The following PRLR variants were observed in gnomAD, a reference collection of about 807,000 sequenced individuals.
The protein encoded by PRLR is prolactin receptor, also known as hPRL receptor.
PRLR carries 13 observed loss-of-function variants against 40.2 expected under a neutral mutation model. The ratio of observed to expected loss-of-function variants is 0.32; its 90% CI spans 0.21 to 0.51. PRLR has a LOEUF of 0.51. PRLR is among the 20% of genes least tolerant of loss of function. PRLR has a pLI of 0.97. For missense variants in PRLR, 656 were observed against 747.3 expected, an observed-to-expected ratio of 0.88 and a Z score of 1.42; for synonymous variants, 269 against 278.7, an observed-to-expected ratio of 0.97 and a Z score of 0.35.
At chr5:35,225,291 G>A (rs1365443758) in intron 1 of PRLR, among the ~76,000 whole-genome samples, 1 of 152,210 alleles carries the variant, frequency 6.6e-6, no homozygotes, top group Admixed American at 6.5e-5. Flanking sequence ...AGATCCCAAA[G>A]TGACATGGTA....
Position 35,189,033 on chromosome 5 carries a change from C to T in PRLR, c.-106+41235G>A, listed in dbSNP as rs144033477. Among the ~76,000 whole-genome samples, 9 of 152,030 alleles carry T rather than the reference C, an allele frequency of 5.9e-5. No homozygotes were observed. The East Asian group carries it at 1.5e-3, about 26-fold the overall frequency. On this transcript the variant is annotated intron_variant, in intron 1 of 9. Coordinates refer to ENST00000618457, the MANE Select transcript of PRLR (RefSeq NM_000949.7). ...GTTGAGATGAGATTATGAGGGTGAG[C>T]CCTATTTCAATATGATTGGTGCTCT...
At chr5:35,176,550 T>C (rs1293160649) in intron 1 of PRLR, among the ~76,000 whole-genome samples, 1 of 152,250 alleles carries the variant, frequency 6.6e-6, no homozygotes, top group Non-Finnish European at 1.5e-5. Context: ...ATGTGCTGTG[T>C]CAAACTCAGA....
intron 1 of PRLR, among the ~76,000 whole-genome samples, chr5:35,199,013 C>T (rs1775808812): frequency 6.6e-6 from 1 of 152,194 alleles, no homozygotes; most frequent in South Asian, 2.1e-4. Flanking sequence ...ATTTCTGGCT[C>T]TCCGGATCCG....
rs1204875611 is a variant in PRLR at position 35,061,649 on chromosome 5, A to G, written c.*3440T>C. On this transcript the variant is annotated 3_prime_UTR_variant, in exon 10 of 10. Transcript: ENST00000618457. The stretch of plus-strand genomic sequence containing the variant: ...GCTGATATAACTTGTGCTTATACAC[A>G]TCTGTTAGAATGAATTGGAACATCT... 1 of 152,254 alleles carries G rather than the reference A, an allele frequency of 6.6e-6. No homozygotes were observed. The highest frequency in any genetic ancestry group is 1.5e-5 in the Non-Finnish European group (1 of 68,046). The allele number at this position is 152,254 out of a possible 1,614,324, so 9.4% of individuals were successfully genotyped here. A position where few individuals can be genotyped will look rare whatever the true frequency, so the allele number is the denominator to read the frequency against.
At chr5:35,225,421 C>A (rs746580531) in intron 1 of PRLR, among the ~76,000 whole-genome samples, 5 of 152,132 alleles carry the variant, frequency 3.3e-5, no homozygotes, top group Admixed American at 2.0e-4. Flanking sequence ...TGAGAAGGAG[C>A]CTGACACAAG....
At chr5:35,184,993 A>C (rs2111988252) in intron 1 of PRLR, among the ~76,000 whole-genome samples, 1 of 152,340 alleles carries the variant, frequency 6.6e-6, no homozygotes, top group Middle Eastern at 3.4e-3. Context: ...CAACAAAGGA[A>C]AGTTTTGTTT....
chr5:35,093,662 G>C (rs988283729), intron 2 of PRLR, among the ~76,000 whole-genome samples: 1 of 152,144 alleles, frequency 6.6e-6, no homozygotes, highest in East Asian at 1.9e-4. Flanking sequence ...ATCAAGCAAG[G>C]CCCAATCCAA....
At chr5:35,181,737 T>C (rs538320066) in intron 1 of PRLR, among the ~76,000 whole-genome samples, 51 of 152,294 alleles carry the variant, frequency 3.3e-4, no homozygotes, top group Middle Eastern at 3.4e-3. Flanking sequence ...AAAAGGCTCT[T>C]AGGAGAGAAA....
At chr5:35,212,739 C>T (rs1451496857) in intron 1 of PRLR, among the ~76,000 whole-genome samples, 2 of 152,066 alleles carry the variant, frequency 1.3e-5, no homozygotes, top group East Asian at 1.9e-4. Flanking sequence ...CATTGAATCC[C>T]CTAGCGAATT....
At chr5:35,203,906 C>A (rs1351433585) in intron 1 of PRLR, among the ~76,000 whole-genome samples, 1 of 151,890 alleles carries the variant, frequency 6.6e-6, no homozygotes, top group Non-Finnish European at 1.5e-5. Flanking sequence ...CTTGGTGTTG[C>A]AAATCAAGAT....
intron 5 of PRLR, among the ~76,000 whole-genome samples, chr5:35,077,465 A>G (rs996476924): frequency 6.6e-6 from 1 of 152,212 alleles, no homozygotes; most frequent in Non-Finnish European, 1.5e-5. Flanking sequence ...GAAGGCCATT[A>G]CATAATGGTA....
At chr5:35,124,605 CTTAAT>C (rs1421227183) in intron 1 of PRLR, among the ~76,000 whole-genome samples, 3 of 152,124 alleles carry the variant, frequency 2.0e-5, no homozygotes, top group Non-Finnish European at 4.4e-5. Context: ...GGCCAAATTC[CTTAAT>C]TTATTTATTT....
chr5:35,067,324 T>C (rs952094035), intron 9 of PRLR, among the ~76,000 whole-genome samples: 2 of 152,226 alleles, frequency 1.3e-5, no homozygotes, highest in Admixed American at 6.5e-5. Context: ...GCAGGTTAAA[T>C]TGTGAGCTGG....
chr5:35,226,359 C>G (rs1776548523), intron 1 of PRLR, among the ~76,000 whole-genome samples: 1 of 152,204 alleles, frequency 6.6e-6, no homozygotes, highest in Non-Finnish European at 1.5e-5. Flanking sequence ...TAACCTTGGA[C>G]TAGCTCCTTA....
chr5:35,049,084 T>C, exon 9 of PRLR: 2 of 679,498 alleles, frequency 2.9e-6, no homozygotes, highest in South Asian at 3.0e-5. Flanking sequence ...CCTTTTTGTG[T>C]GGGTTTCCAG....
At chr5:35,113,766 G>A (rs901416874) in intron 2 of PRLR, among the ~76,000 whole-genome samples, 6 of 152,210 alleles carry the variant, frequency 3.9e-5, no homozygotes, top group African/African-American at 1.4e-4. Flanking sequence ...AACCCATAGC[G>A]GGCAGATTTG....
downstream of PRLR, among the ~76,000 whole-genome samples, chr5:35,050,935 G>C (rs1294148285): frequency 2.0e-5 from 3 of 152,204 alleles, no homozygotes; most frequent in African/African-American, 7.2e-5. Context: ...TGTGTGCAGA[G>C]TGTTCAGACT....
intron 2 of PRLR, among the ~76,000 whole-genome samples, chr5:35,103,459 G>A (rs552240414): frequency 1.3e-5 from 2 of 152,156 alleles, no homozygotes; most frequent in Non-Finnish European, 2.9e-5. Context: ...TGGCTTGGCA[G>A]ATCCCAGTAA....
chr5:35,129,463 C>T (rs1157623671), intron 1 of PRLR, among the ~76,000 whole-genome samples: 1 of 152,132 alleles, frequency 6.6e-6, no homozygotes, highest in African/African-American at 2.4e-5. Flanking sequence ...ACCCTTACTC[C>T]ACATTCCTCT....
Sources: gnomAD v4.1 joint callset for allele counts (sites outside exome capture counted in the v4.1 genomes callset) on GRCh38, gnomAD v4.1.1 for gene constraint, MANE v1.5 for transcripts, NCBI Gene and HGNC (gene_info 2026-07-23, HGNC 2026-07-21) for gene names.